The following PDE4D variants were observed in gnomAD, a reference collection of about 807,000 sequenced individuals.
PDE4D encodes 3',5'-cyclic-AMP phosphodiesterase 4D.
PDE4D carries 24 observed loss-of-function variants against 87.4 expected under a neutral mutation model. The ratio of observed to expected loss-of-function variants is 0.27; its 90% CI spans 0.20 to 0.39. The LOEUF (loss-of-function observed/expected upper bound fraction) is 0.39, where lower values mean the gene tolerates loss of function less well. Among genes scored for constraint, PDE4D ranks in the 10% least tolerant of loss-of-function variants. PDE4D has a pLI of 1.00. For missense variants in PDE4D, 714 were observed against 1,041.0 expected, an observed-to-expected ratio of 0.69 and a Z score of 4.32; for synonymous variants, 384 against 383.2, an observed-to-expected ratio of 1.00 and a Z score of -0.02.
rs184774870 is a variant in PDE4D at position 60,431,982 on chromosome 5, G to T, written c.-90+55960C>A. Among the ~76,000 whole-genome samples the T allele has an allele frequency of 1.4e-3, 219 of 152,368 alleles. 1 individual carries two copies. The highest frequency in any genetic ancestry group is 3.6e-3 in the African/African-American group (150 of 41,594). ...CAGGCACTCGCAGGCTGAGGCAGGA[G>T]AATCAGGCAGGGAGGTTGCAGTGAG... On this transcript the variant is annotated intron_variant, in intron 1 of 16. Coordinates refer to the PDE4D transcript ENST00000502484.
intron 5 of PDE4D, among the ~76,000 whole-genome samples, chr5:59,059,353 C>T (rs1481844167): frequency 6.6e-6 from 1 of 152,156 alleles, no homozygotes; most frequent in East Asian, 1.9e-4. Context: ...ATTACCTCTC[C>T]CACCTCTTTC....
chr5:59,973,499 G>C (rs182715357), intron 3 of PDE4D, among the ~76,000 whole-genome samples: 286 of 15,014 alleles, frequency 0.019, 1 homozygote, highest in Non-Finnish European at 0.028. Context: ...CATTTTCACT[G>C]TCATTCATTC....
At chr5:59,829,626 G>GA (rs1488691046) in intron 1 of PDE4D, among the ~76,000 whole-genome samples, 4 of 152,080 alleles carry the variant, frequency 2.6e-5, no homozygotes, top group African/African-American at 7.2e-5. Context: ...ACATTCCATT[G>GA]AAAAAACATA....
chr5:59,945,607 A>G (rs902407051), intron 3 of PDE4D, among the ~76,000 whole-genome samples: 3 of 152,216 alleles, frequency 2.0e-5, no homozygotes, highest in African/African-American at 2.4e-5. Context: ...CCACTGTACT[A>G]TTGCTTTACT....
intron 1 of PDE4D, among the ~76,000 whole-genome samples, chr5:60,389,488 T>C (rs1048967848): frequency 6.6e-6 from 1 of 152,212 alleles, no homozygotes; most frequent in Non-Finnish European, 1.5e-5. Flanking sequence ...ATGCACCCTG[T>C]TACAATCGTT....
chr5:60,266,613 C>T (rs542802725), intron 1 of PDE4D, among the ~76,000 whole-genome samples: 13 of 152,306 alleles, frequency 8.5e-5, no homozygotes, highest in Non-Finnish European at 1.8e-4. Flanking sequence ...GCTTCTGTTT[C>T]CTGAGCTCTG....
chr5:59,079,666 T>TTAATAA (rs148255590), intron 5 of PDE4D, among the ~76,000 whole-genome samples: 6,411 of 146,168 alleles, frequency 0.044, 436 homozygotes, highest in African/African-American at 0.15. Flanking sequence ...CTCTACAAAA[T>TTAATAA]TAATAATAAT....
intron 1 of PDE4D, among the ~76,000 whole-genome samples, chr5:60,267,748 G>C (rs1020561323): frequency 1.3e-5 from 2 of 152,090 alleles, no homozygotes; most frequent in Non-Finnish European, 2.9e-5. Context: ...GACTGTAGAG[G>C]GCTTAACAAC....
At chr5:60,042,124 G>A (rs1464827227) in intron 2 of PDE4D, among the ~76,000 whole-genome samples, 1 of 152,082 alleles carries the variant, frequency 6.6e-6, no homozygotes, top group African/African-American at 2.4e-5. Context: ...GGTGAGGGGA[G>A]GGGTGTCTGC....
At chr5:59,139,945 T>C (rs1324814023) in intron 5 of PDE4D, among the ~76,000 whole-genome samples, 1 of 152,206 alleles carries the variant, frequency 6.6e-6, no homozygotes, top group Non-Finnish European at 1.5e-5. Context: ...CTAAGTTTCA[T>C]AGGCCTTGAT....
intron 1 of PDE4D, among the ~76,000 whole-genome samples, chr5:59,687,686 T>A (rs1295092628): frequency 6.6e-6 from 1 of 152,108 alleles, no homozygotes; most frequent in East Asian, 1.9e-4. Context: ...CCAGCTAACA[T>A]CATAATGACA....
rs116666153 is a variant in PDE4D at position 59,043,178 on chromosome 5, A to G, written c.809-4207T>C. Among the ~76,000 whole-genome samples, 540 of 152,326 alleles carry G rather than the reference A, an allele frequency of 3.5e-3. 4 individuals are homozygous for G. Among genetic ancestry groups the G allele is most frequent in the African/African-American group, 0.012 (518 of 41,558 alleles). The stretch of plus-strand genomic sequence containing the variant: ...GAAGAGAACAAGTCCAAAAAATACC[A>G]CTTATTTTGGACACTATTTGTATGC... On this transcript the variant is annotated intron_variant, in intron 5 of 14. Transcript: ENST00000340635.
chr5:59,819,856 A>G (rs1305071719), intron 1 of PDE4D, among the ~76,000 whole-genome samples: 1 of 152,218 alleles, frequency 6.6e-6, no homozygotes, highest in African/African-American at 2.4e-5. Context: ...TTAGAACTGC[A>G]GTAGAATGTG....
intron 4 of PDE4D, among the ~76,000 whole-genome samples, chr5:59,183,202 G>A (rs1309481841): frequency 6.6e-6 from 1 of 152,182 alleles, no homozygotes; most frequent in Non-Finnish European, 1.5e-5. Flanking sequence ...CAGTAATGGA[G>A]GCACAAATTT....
intron 1 of PDE4D, among the ~76,000 whole-genome samples, chr5:59,463,236 G>A (rs185108090): frequency 1.8e-3 from 273 of 152,182 alleles, no homozygotes; most frequent in Non-Finnish European, 3.1e-3. Context: ...GAAACATGAC[G>A]TTTGTTTGTG....
At chr5:59,015,387 TA>T (rs755156833) in intron 6 of PDE4D, among the ~76,000 whole-genome samples, 1 of 152,180 alleles carries the variant, frequency 6.6e-6, no homozygotes, top group African/African-American at 2.4e-5. Flanking sequence ...GACAAAGGGC[TA>T]ATATCCAGAA....
chr5:60,134,508 A>G (rs1380409035), intron 2 of PDE4D, among the ~76,000 whole-genome samples: 1 of 152,196 alleles, frequency 6.6e-6, no homozygotes, highest in Non-Finnish European at 1.5e-5. Flanking sequence ...TGTCTCCAAA[A>G]ACAAACTAAA....
At chr5:60,360,096 G>A (rs904653491) in intron 1 of PDE4D, among the ~76,000 whole-genome samples, 3 of 152,210 alleles carry the variant, frequency 2.0e-5, no homozygotes, top group African/African-American at 7.2e-5. Flanking sequence ...TAGAGCTAAA[G>A]TGGATGTGAT....
rs202147384 is a variant in PDE4D, at chr5:60,341,131, G to GT, written c.-90+146810dup. On this transcript the variant is annotated intron_variant, in intron 1 of 16. Transcript: ENST00000502484. ...AACTGTTCTGAATGAAAAATGTTTG[G>GT]TTTTTTTTTCTTCTGTTGAATTAAT... Among the ~76,000 whole-genome samples, 12 of 151,278 alleles carry GT rather than the reference G, an allele frequency of 7.9e-5. 1 individual carries two copies. Among genetic ancestry groups the GT allele is most frequent in the Admixed American group, 2.6e-4 (4 of 15,216 alleles).
Sources: gnomAD v4.1 joint callset for allele counts (sites outside exome capture counted in the v4.1 genomes callset) on GRCh38, gnomAD v4.1.1 for gene constraint, MANE v1.5 for transcripts, NCBI Gene and HGNC (gene_info 2026-07-23, HGNC 2026-07-21) for gene names.